The following SCP2 variants were observed in gnomAD, a reference collection of about 807,000 sequenced individuals.
SCP2 encodes SCP-2/3-oxoacyl-CoA thiolase.
SCP2 carries 48 observed loss-of-function variants against 71.4 expected under a neutral mutation model. The ratio of observed to expected loss-of-function variants is 0.67; its 90% CI spans 0.53 to 0.86. The LOEUF is 0.86. SCP2 is among the 40% of genes least tolerant of loss of function. The pLI is 0.00. For synonymous variants in SCP2, 220 were observed against 218.1 expected (o/e 1.01, Z -0.08); for missense variants, 560 against 655.6 (o/e 0.85, Z 1.59).
chr1:52,959,436 C>T (rs1257564157), intron 5 of SCP2, among the ~76,000 whole-genome samples: 1 of 152,076 alleles, frequency 6.6e-6, no homozygotes, highest in Non-Finnish European at 1.5e-5. Context: ...CTCAGGTGAT[C>T]CACCCGCCTC....
chr1:53,017,872 GA>G (rs1242142890), intron 12 of SCP2, among the ~76,000 whole-genome samples: 3 of 151,874 alleles, frequency 2.0e-5, no homozygotes, highest in African/African-American at 7.3e-5. Flanking sequence ...TTTCTTTTTT[GA>G]GACAGAGTTT....
At chr1:52,936,024 A>G (rs545956135) in intron 1 of SCP2, among the ~76,000 whole-genome samples, 2 of 152,338 alleles carry the variant, frequency 1.3e-5, no homozygotes, top group South Asian at 4.1e-4. Flanking sequence ...TACTTCATAG[A>G]CTTCAACTAA....
At chr1:52,929,173 T>C (rs1652881680) in intron 1 of SCP2, among the ~76,000 whole-genome samples, 1 of 150,704 alleles carries the variant, frequency 6.6e-6, no homozygotes. Flanking sequence ...GAGGGAGAAA[T>C]ATTGACTAGA....
intron 11 of SCP2, chr1:52,995,014 G>T (rs913227972): frequency 2.0e-6 from 1 of 507,526 alleles, no homozygotes; most frequent in Admixed American, 2.2e-5. Context: ...TCAATCTGGG[G>T]CAGGCAACAA....
chr1:52,941,135 TCTTA>T (rs2150110187), intron 1 of SCP2, among the ~76,000 whole-genome samples: 1 of 152,356 alleles, frequency 6.6e-6, no homozygotes, highest in Admixed American at 6.5e-5. Flanking sequence ...TGCTGTATTC[TCTTA>T]CTTCTAGATC....
chr1:52,968,083 G>A (rs765980706), intron 6 of SCP2, among the ~76,000 whole-genome samples: 17 of 152,256 alleles, frequency 1.1e-4, no homozygotes, highest in Non-Finnish European at 2.4e-4. Context: ...TGAGACTACA[G>A]GTGCGTGCCA....
chr1:52,992,325 T>C (rs1436575777), intron 11 of SCP2, among the ~76,000 whole-genome samples: 1 of 152,130 alleles, frequency 6.6e-6, no homozygotes, highest in Non-Finnish European at 1.5e-5. Context: ...AAGAAAATAA[T>C]GTATAAAAGT....
chr1:52,972,533 A>C (rs1395102145), intron 6 of SCP2, among the ~76,000 whole-genome samples: 1 of 152,238 alleles, frequency 6.6e-6, no homozygotes, highest in African/African-American at 2.4e-5. Context: ...CAATCTATGC[A>C]TGGATTGCTT....
Position 53,048,315 on chromosome 1 carries a change from A to G in SCP2, c.1548+378A>G, listed in dbSNP as rs958615374. 7.2e-5 allele frequency: 22 copies of G among 307,386 alleles called. No individual in the cohort carries two copies. In the Admixed American group the frequency reaches 8.0e-4, roughly 11 times the overall value. The allele number at this position is 307,386 out of a possible 1,614,324, so 19.0% of individuals were successfully genotyped here. ...TCTTGAGCTTAGTACCCAGGCGGAA[A>G]GTAGGAGTGTTCCAGGAGGAGGGAG... is the stretch of plus-strand genomic sequence containing the variant. On this transcript the variant is annotated intron_variant, in intron 15 of 15. Transcript: ENST00000371514.
At chr1:52,960,482 G>GTT (rs1656249953) in intron 5 of SCP2, among the ~76,000 whole-genome samples, 1 of 43,626 alleles carries the variant, frequency 2.3e-5, no homozygotes, top group African/African-American at 7.8e-5. Flanking sequence ...CTATGTATAT[G>GTT]TGTGTGTGTG....
chr1:53,050,568 C>A, intron 15 of SCP2, 41 bp from the exon 16 acceptor site: 3 of 1,360,534 alleles, frequency 2.2e-6, no homozygotes, highest in Non-Finnish European at 3.2e-6. Flanking sequence ...AATCTTAAAA[C>A]AAAAAAACAC....
intron 5 of SCP2, among the ~76,000 whole-genome samples, chr1:52,959,638 A>T (rs989036311): frequency 6.6e-6 from 1 of 151,998 alleles, no homozygotes; most frequent in East Asian, 1.9e-4. Flanking sequence ...TTTTTTGTAA[A>T]GTGAGCGTTG....
intron 6 of SCP2, among the ~76,000 whole-genome samples, chr1:52,970,548 T>TC (rs1202054740): frequency 1.3e-5 from 2 of 152,132 alleles, no homozygotes; most frequent in African/African-American, 2.4e-5. Context: ...CTTTTTTTTT[T>TC]CCTCTCAGAA....
chr1:52,932,658 C>A (rs915522318), intron 1 of SCP2, among the ~76,000 whole-genome samples: 1 of 152,016 alleles, frequency 6.6e-6, no homozygotes, highest in South Asian at 2.1e-4. Context: ...ACCATGTGGA[C>A]TATGGTTTTA....
chr1:52,966,898 GAA>G (rs1394315386), intron 6 of SCP2, among the ~76,000 whole-genome samples: 2 of 150,012 alleles, frequency 1.3e-5, no homozygotes, highest in Non-Finnish European at 3.0e-5. Flanking sequence ...GTCTTAAAAA[GAA>G]ATAGGAGCCA....
chr1:53,006,536 A>C (rs1326598249), intron 11 of SCP2, among the ~76,000 whole-genome samples: 2 of 152,224 alleles, frequency 1.3e-5, no homozygotes, highest in African/African-American at 4.8e-5. Flanking sequence ...ACTAAGCTTC[A>C]TAAGTGAAGG....
rs962694305 is a variant in SCP2, at chr1:53,014,906, A to G, written c.1098A>G (p.Ala366=). 3.7e-6 allele frequency: 6 copies of G among 1,613,340 alleles called. No individual in the cohort carries two copies. The highest frequency in any genetic ancestry group is 1.3e-5 in the African/African-American group (1 of 75,038). ...ATTTGTTAGGTCTTGCTCAGTGTGC[A>G]GAACTCTGCTGGCAGCTGAGAGGGG... ...PLGATGLAQC[A]ELCWQLRGEA... Residue 366 remains alanine (A), a synonymous_variant, in exon 12 of 16, where the codon GCA becomes GCG. Coordinates refer to ENST00000371514, the MANE Select transcript of SCP2 (RefSeq NM_002979.5).
chr1:52,945,021 T>C (rs1654644708), intron 2 of SCP2, among the ~76,000 whole-genome samples: 1 of 151,976 alleles, frequency 6.6e-6, no homozygotes, highest in East Asian at 2.0e-4. Flanking sequence ...TCCCACTGAT[T>C]ATAAGAGCAA....
chr1:53,012,306 A>G (rs1042029537), intron 11 of SCP2, among the ~76,000 whole-genome samples: 1 of 152,212 alleles, frequency 6.6e-6, no homozygotes, highest in African/African-American at 2.4e-5. Flanking sequence ...GCATTAGATC[A>G]TATGCTTTTT....
Sources: gnomAD v4.1 joint callset for allele counts (sites outside exome capture counted in the v4.1 genomes callset) on GRCh38, gnomAD v4.1.1 for gene constraint, MANE v1.5 for transcripts, NCBI Gene and HGNC (gene_info 2026-07-23, HGNC 2026-07-21) for gene names.